TAOK3: variants seen among roughly 807,000 people sequenced by gnomAD.
The protein encoded by TAOK3 is serine/threonine-protein kinase TAO3.
In TAOK3, 40 loss-of-function variants were observed where a neutral mutation model predicts 120.4. The observed-to-expected ratio is 0.33, with a 90% CI of 0.26 to 0.43. The LOEUF (loss-of-function observed/expected upper bound fraction) is 0.43, where lower values mean the gene tolerates loss of function less well. Among genes scored for constraint, TAOK3 ranks in the 20% least tolerant of loss-of-function variants. The probability of loss-of-function intolerance (pLI) is 1.00; values close to 1 mark genes in which losing one functional copy is unlikely to be tolerated. For missense variants in TAOK3, 821 were observed against 1,112.1 expected (o/e 0.74, Z 3.72); for synonymous variants, 355 against 387.5 (o/e 0.92, Z 0.99).
At chr12:118,159,356 G>A (rs2035063328) in intron 19 of TAOK3, among the ~76,000 whole-genome samples, 1 of 149,806 alleles carries the variant, frequency 6.7e-6, no homozygotes, top group Admixed American at 6.7e-5. Flanking sequence ...TGTCACCCAG[G>A]CTGGAGTGCA....
chr12:118,157,562 T>C (rs1003413712), intron 19 of TAOK3, among the ~76,000 whole-genome samples: 5 of 152,218 alleles, frequency 3.3e-5, no homozygotes, highest in African/African-American at 9.6e-5. Flanking sequence ...TACATAGCCA[T>C]TGTGCCAGGG....
chr12:118,172,767 G>T, intron 16 of TAOK3, 107 bp from the exon 17 acceptor site: 1 of 1,018,666 alleles, frequency 9.8e-7, no homozygotes, highest in Admixed American at 2.0e-5. Context: ...GCAGATGTAA[G>T]CACAGAAAAG....
At chr12:118,228,918 T>C (rs2039632037) in intron 9 of TAOK3, among the ~76,000 whole-genome samples, 1 of 152,166 alleles carries the variant, frequency 6.6e-6, no homozygotes, top group Admixed American at 6.6e-5. Context: ...TGCTTAATCA[T>C]ATTCCTTTTT....
At chr12:118,267,059 T>C (rs539003205) in intron 1 of TAOK3, among the ~76,000 whole-genome samples, 1 of 152,332 alleles carries the variant, frequency 6.6e-6, no homozygotes, top group Admixed American at 6.5e-5. Context: ...ACAGCACTAA[T>C]CTGACAGCAC....
intron 2 of TAOK3, 122 bp from the exon 3 acceptor site, chr12:118,255,777 A>T (rs955728698): frequency 4.0e-6 from 2 of 493,854 alleles, no homozygotes; most frequent in African/African-American, 4.0e-5. Context: ...AGGACAAAAA[A>T]ACCCAAATAA....
intron 17 of TAOK3, among the ~76,000 whole-genome samples, chr12:118,162,511 T>C (rs1460019383): frequency 2.0e-5 from 3 of 152,258 alleles, no homozygotes; most frequent in East Asian, 3.9e-4. Flanking sequence ...TTGGGAAGAG[T>C]TCTCCAGGTG....
At chr12:118,232,954 C>T (rs1047213051) in intron 9 of TAOK3, among the ~76,000 whole-genome samples, 3 of 151,996 alleles carry the variant, frequency 2.0e-5, no homozygotes, top group Admixed American at 6.6e-5. Flanking sequence ...CATGCACACG[C>T]ATGTTTATTG....
chr12:118,342,005 AGAGT>A (rs2044639698), intron 1 of TAOK3, among the ~76,000 whole-genome samples: 1 of 152,266 alleles, frequency 6.6e-6, no homozygotes, highest in Non-Finnish European at 1.5e-5. Context: ...CCTGGACAAC[AGAGT>A]GAGACTCTGT....
In TAOK3 at chr12:118,199,116, C is replaced by T. The variant is rs746101174; in HGVS notation, c.1129G>A (p.Glu377Lys). 41 of 1,614,132 alleles carry T rather than the reference C, an allele frequency of 2.5e-5. No homozygotes were observed. The highest frequency in any genetic ancestry group is 3.4e-5 in the Non-Finnish European group (40 of 1,180,024). Reference sequence around the variant, plus strand: ...TCGTCATCGTGCATCATGACAAGTTCGGAACTGCTCTCGTCCATGACTTCC... The same window carrying T: ...TCGTCATCGTGCATCATGACAAGTTTGGAACTGCTCTCGTCCATGACTTCC... ...MQEVMDESSS[E>K]LVMMHDDEST... The change falls in exon 13 of 21, where the codon GAA (glutamate) becomes AAA (lysine). Residue 377 changes from glutamate (E) to lysine (K), a missense_variant. Physicochemically the swap from Glu to Lys is moderately conservative, Grantham distance 56. Transcript: ENST00000392533.
intron 9 of TAOK3, among the ~76,000 whole-genome samples, chr12:118,219,550 G>A (rs1207417712): frequency 6.6e-6 from 1 of 151,924 alleles, no homozygotes; most frequent in Non-Finnish European, 1.5e-5. Flanking sequence ...ATTAGATTTT[G>A]TCATTGCAAA....
At chr12:118,350,306 G>A (rs1430349344) in intron 1 of TAOK3, among the ~76,000 whole-genome samples, 2 of 152,144 alleles carry the variant, frequency 1.3e-5, no homozygotes, top group African/African-American at 2.4e-5. Flanking sequence ...GCATAGAACT[G>A]AGTTTAAGTC....
chr12:118,310,121 A>G (rs1484776993), intron 1 of TAOK3, among the ~76,000 whole-genome samples: 3 of 152,066 alleles, frequency 2.0e-5, no homozygotes, highest in Non-Finnish European at 2.9e-5. Context: ...AATTTCTACA[A>G]TAAAATATAA....
rs1270778220 is a variant in TAOK3 at position 118,172,614 on chromosome 12, C to T, written c.1742G>A (p.Arg581Gln). ...HSTPKKEKQE[R>Q]ISKHKENLQH... The stretch of plus-strand genomic sequence containing the variant: ...CAAGTTCTCTTTATGTTTGGAGATC[C>T]GCTCTTGCTTCTCTTTCTTGGGTGT... The change falls in exon 17 of 21, where the codon CGG becomes CAG. Residue 581 changes from arginine (R) to glutamine (Q), a missense_variant. Around this residue, in one of 2 missense-constraint regions of TAOK3, gnomAD observed 354 missense variants for 572.1 expected, o/e 0.62. Transcript: ENST00000392533. The T allele has an allele frequency of 5.0e-6, 8 of 1,614,150 alleles. No homozygotes were observed. Among genetic ancestry groups the T allele is most frequent in the South Asian group, 2.2e-5 (2 of 91,084 alleles).
chr12:118,169,108 G>A (rs1224493487), intron 17 of TAOK3, among the ~76,000 whole-genome samples: 2 of 151,994 alleles, frequency 1.3e-5, no homozygotes, highest in Non-Finnish European at 2.9e-5. Context: ...CTGCCTCCCA[G>A]GTTCAAGTGA....
intron 13 of TAOK3, chr12:118,190,219 A>G (rs574810298): frequency 7.9e-6 from 3 of 380,320 alleles, no homozygotes; most frequent in African/African-American, 6.0e-5. Context: ...AAAAAAGAAT[A>G]GAAAAAATAA....
At chr12:118,190,124 G>A (rs1565923675) in intron 13 of TAOK3, 183 bp from the exon 14 acceptor site, 2 of 683,848 alleles carry the variant, frequency 2.9e-6, no homozygotes, top group Non-Finnish European at 4.7e-6. Flanking sequence ...CTTCAGTTAG[G>A]AATGTCAGCT....
chr12:118,327,241 C>T (rs2043971167), intron 1 of TAOK3, among the ~76,000 whole-genome samples: 1 of 152,136 alleles, frequency 6.6e-6, no homozygotes, highest in African/African-American at 2.4e-5. Context: ...GTGCTGGAGG[C>T]TTTATGTATA....
At chr12:118,288,884 C>T (rs2042360511) in intron 1 of TAOK3, among the ~76,000 whole-genome samples, 1 of 136,482 alleles carries the variant, frequency 7.3e-6, no homozygotes, top group South Asian at 2.3e-4. Context: ...CCGTTGCACT[C>T]TAGCCTGGAC....
chr12:118,167,209 T>C (rs141942009), intron 17 of TAOK3, among the ~76,000 whole-genome samples: 5 of 152,244 alleles, frequency 3.3e-5, no homozygotes, highest in African/African-American at 1.2e-4. Flanking sequence ...TCTTCTTGTT[T>C]TCACTAATTA....
Sources: gnomAD v4.1 joint callset for allele counts (sites outside exome capture counted in the v4.1 genomes callset) on GRCh38, gnomAD v4.1.1 for gene constraint, gnomAD v4.1.1 regional missense constraint, MANE v1.5 for transcripts, NCBI Gene and HGNC (gene_info 2026-07-23, HGNC 2026-07-21) for gene names.